The following GREM2 variants were observed in gnomAD, a reference collection of about 807,000 sequenced individuals.
The protein encoded by GREM2 is gremlin-2.
GREM2 carries 11 observed loss-of-function variants against 14.2 expected under a neutral mutation model. The observed-to-expected ratio is 0.78, with a 90% CI of 0.49 to 1.28. The LOEUF is 1.28. Ranked by LOEUF, GREM2 falls within the 50% of genes most tolerant of loss-of-function variation. The pLI is 0.00. For missense variants in GREM2, 210 were observed against 218.5 expected, an observed-to-expected ratio of 0.96 and a Z score of 0.24; for synonymous variants, 98 against 97.6, an observed-to-expected ratio of 1.00 and a Z score of -0.02.
intron 1 of GREM2, among the ~76,000 whole-genome samples, chr1:240,530,253 A>G (rs1678320967): frequency 6.6e-6 from 1 of 152,196 alleles, no homozygotes; most frequent in Non-Finnish European, 1.5e-5. Context: ...AGTCTCTAAA[A>G]GAGAGTTATA....
At chr1:240,513,010 A>T (rs547763182) in intron 1 of GREM2, among the ~76,000 whole-genome samples, 1 of 152,320 alleles carries the variant, frequency 6.6e-6, no homozygotes, top group Non-Finnish European at 1.5e-5. Flanking sequence ...CCTAGAATTT[A>T]CATTCTAGAG....
chr1:240,544,369 G>C (rs190987161), intron 1 of GREM2, among the ~76,000 whole-genome samples: 42 of 152,066 alleles, frequency 2.8e-4, no homozygotes, highest in Non-Finnish European at 4.3e-4. Flanking sequence ...GGATGGTCTC[G>C]ATCTCCTGAC....
chr1:240,565,663 A>G (rs952928472), intron 1 of GREM2, among the ~76,000 whole-genome samples: 3 of 152,066 alleles, frequency 2.0e-5, no homozygotes, highest in Non-Finnish European at 2.9e-5. Context: ...GGGTAACATG[A>G]TGAAACCCCA....
chr1:240,517,476 A>T (rs1212105162), intron 1 of GREM2, among the ~76,000 whole-genome samples: 1 of 152,206 alleles, frequency 6.6e-6, no homozygotes, highest in Non-Finnish European at 1.5e-5. Context: ...GTATCTCACA[A>T]ATACAAGGAG....
intron 1 of GREM2, among the ~76,000 whole-genome samples, chr1:240,545,697 G>T (rs1261496921): frequency 6.6e-6 from 1 of 152,168 alleles, no homozygotes; most frequent in Non-Finnish European, 1.5e-5. Flanking sequence ...ACACCCAGTT[G>T]GTGCTCACTG....
chr1:240,550,955 A>G (rs1465296734), intron 1 of GREM2, among the ~76,000 whole-genome samples: 1 of 152,210 alleles, frequency 6.6e-6, no homozygotes, highest in Non-Finnish European at 1.5e-5. Flanking sequence ...GTTAGGATGG[A>G]AACTTGGAAT....
chr1:240,547,490 A>G (rs1481401956), intron 1 of GREM2, among the ~76,000 whole-genome samples: 1 of 123,098 alleles, frequency 8.1e-6, no homozygotes, highest in Non-Finnish European at 1.6e-5. Context: ...ACAGAGTGAG[A>G]CTCCATCTCA....
chr1:240,517,030 G>A (rs1363028127), intron 1 of GREM2, among the ~76,000 whole-genome samples: 1 of 152,014 alleles, frequency 6.6e-6, no homozygotes, highest in Non-Finnish European at 1.5e-5. Flanking sequence ...ATAAACTGGG[G>A]AAAACAATAC....
rs61833684 is a variant in GREM2, at chr1:240,596,421, G to A, written c.-2+15463C>T. Among the ~76,000 whole-genome samples the A allele has an allele frequency of 5.5e-3, 837 of 152,300 alleles. 3 individuals are homozygous for A. Among genetic ancestry groups the A allele is most frequent in the Non-Finnish European group, 7.4e-3 (505 of 68,022 alleles). Reference sequence around the variant, plus strand: ...CCTATAAAACAAGGTGGCTTGCCGGGCACGGTAGTTCACTCCTGTAATCCC... The same window carrying A: ...CCTATAAAACAAGGTGGCTTGCCGGACACGGTAGTTCACTCCTGTAATCCC... On this transcript the variant is annotated intron_variant, in intron 1 of 1. Transcript: ENST00000318160.
chr1:240,549,447 A>C (rs1251585802), intron 1 of GREM2, among the ~76,000 whole-genome samples: 1 of 152,216 alleles, frequency 6.6e-6, no homozygotes, highest in Non-Finnish European at 1.5e-5. Context: ...GATAAATCCC[A>C]GCAGAGCTAA....
At chr1:240,563,176 T>C (rs940651153) in intron 1 of GREM2, among the ~76,000 whole-genome samples, 1 of 151,824 alleles carries the variant, frequency 6.6e-6, no homozygotes, top group Non-Finnish European at 1.5e-5. Context: ...TGTGAGTGTG[T>C]GTATGTGTAC....
chr1:240,528,486 A>C (rs1214166433), intron 1 of GREM2, among the ~76,000 whole-genome samples: 1 of 152,180 alleles, frequency 6.6e-6, no homozygotes, highest in Admixed American at 6.5e-5. Context: ...ATTATTGGCC[A>C]CAAGGAGAAA....
intron 1 of GREM2, among the ~76,000 whole-genome samples, chr1:240,517,048 T>C (rs1030529208): frequency 3.3e-5 from 5 of 152,188 alleles, no homozygotes; most frequent in Non-Finnish European, 7.3e-5. Flanking sequence ...TACAACCTGC[T>C]CATAATGTTA....
At chr1:240,534,692 CAAA>C (rs5782153) in intron 1 of GREM2, among the ~76,000 whole-genome samples, 65,013 of 115,652 alleles carry the variant, frequency 0.56, 15,004 homozygotes, top group East Asian at 0.67. Flanking sequence ...GACTCCATCT[CAAA>C]AAAAAAAAAA....
At chr1:240,555,564 G>A (rs998064391) in intron 1 of GREM2, among the ~76,000 whole-genome samples, 3 of 152,180 alleles carry the variant, frequency 2.0e-5, no homozygotes, top group South Asian at 2.1e-4. Flanking sequence ...AGCAGTGTTC[G>A]GTGTGCCCTC....
intron 1 of GREM2, among the ~76,000 whole-genome samples, chr1:240,534,769 A>G (rs1323842206): frequency 1.3e-5 from 2 of 152,090 alleles, no homozygotes; most frequent in African/African-American, 2.4e-5. Context: ...GCAGGAGACT[A>G]GTTAGGAGGC....
At chr1:240,609,270 G>T (rs536721128) in intron 1 of GREM2, among the ~76,000 whole-genome samples, 2 of 151,962 alleles carry the variant, frequency 1.3e-5, no homozygotes, top group African/African-American at 4.8e-5. Flanking sequence ...CGCCAACACC[G>T]TCTGGGTCCC....
intron 1 of GREM2, chr1:240,531,754 ACTGGAGAG>A (rs1678368210): frequency 1.1e-6 from 1 of 875,980 alleles, no homozygotes. Context: ...TGTTGCCCAG[ACTGGAGAG>A]CAATGGCGTG....
rs113832888 is a variant in GREM2, at chr1:240,509,491, C to T, written c.-1-16015G>A. On this transcript the variant is annotated intron_variant, in intron 1 of 1. Coordinates refer to ENST00000318160, the MANE Select transcript of GREM2 (RefSeq NM_022469.4). ...TCAAGCGATTCTCCTGCCTCAGCCT[C>T]CCGAGTAGCTGTGATTACAGGCATG... Among the ~76,000 whole-genome samples the T allele has an allele frequency of 3.9e-3, 596 of 151,948 alleles. 1 individual carries two copies. Among genetic ancestry groups the T allele is most frequent in the Middle Eastern group, 0.014 (4 of 294 alleles).
Sources: allele counts gnomAD v4.1 joint callset (sites outside exome capture counted in the v4.1 genomes callset), GRCh38; gene constraint gnomAD v4.1.1; transcripts MANE v1.5; gene names NCBI Gene and HGNC (gene_info 2026-07-23, HGNC 2026-07-21).